Variants in DDR2 observed in about 807,000 individuals in gnomAD.
DDR2 encodes the protein discoidin domain-containing receptor 2.
Under a neutral mutation model 94.9 loss-of-function variants are expected in DDR2, and 27 were observed. The observed-to-expected ratio is 0.28, with a 90% CI of 0.21 to 0.39. The LOEUF (loss-of-function observed/expected upper bound fraction) is 0.39, where lower values mean the gene tolerates loss of function less well. DDR2 is among the 10% of genes least tolerant of loss of function. The pLI, the probability that DDR2 is intolerant of heterozygous loss-of-function variation, is 1.00. For synonymous variants in DDR2, 382 were observed against 377.2 expected, an observed-to-expected ratio of 1.01 and a Z score of -0.15; for missense variants, 783 against 1,076.0, an observed-to-expected ratio of 0.73 and a Z score of 3.81.
chr1:162,666,252 G>GT (rs935444622), intron 2 of DDR2, among the ~76,000 whole-genome samples: 1 of 152,122 alleles, frequency 6.6e-6, no homozygotes, highest in Non-Finnish European at 1.5e-5. Context: ...TTTTCCTTCT[G>GT]TTTTTTATTA....
At position 162,645,708 on chromosome 1, in the gene DDR2, T is replaced by G. The variant is rs185210729; in HGVS notation, c.-191-9503T>G. Among the ~76,000 whole-genome samples, 10 of 152,296 alleles carry G rather than the reference T, an allele frequency of 6.6e-5. No individual in the cohort carries two copies. In the East Asian group the frequency reaches 1.9e-3, roughly 29 times the overall value. On this transcript the variant is annotated intron_variant, in intron 1 of 17. Transcript: ENST00000367921. Reference sequence around the variant, plus strand: ...ATTAATAGCTTTGAGGGTTCATAAGTTCAGGAAAATAAGATCTTAACCCAA... The same window carrying G: ...ATTAATAGCTTTGAGGGTTCATAAGGTCAGGAAAATAAGATCTTAACCCAA...
rs574989683 is a variant in DDR2 at position 162,728,178 on chromosome 1, CTCTT to C, written c.82+9035_82+9038del. 6.0e-5 allele frequency among the ~76,000 whole-genome samples: 8 copies of C among 133,590 alleles called. No homozygotes were observed. The East Asian group carries it at 1.3e-3, about 22-fold the overall frequency. 87.6% of individuals were successfully genotyped at this position (133,590 alleles called of 152,430 possible). A position where few individuals can be genotyped will look rare whatever the true frequency, so the allele number is the denominator to read the frequency against. ...TCTATATAAATATATAGATAGATAT[CTCTT>C]TATATATATATAGATAGATATATCT... On this transcript the variant is annotated intron_variant, in intron 3 of 17. Coordinates refer to ENST00000367921, the MANE Select transcript of DDR2 (RefSeq NM_006182.4).
At chr1:162,743,283 C>T (rs949005820) in intron 3 of DDR2, among the ~76,000 whole-genome samples, 4 of 152,028 alleles carry the variant, frequency 2.6e-5, no homozygotes, top group East Asian at 1.9e-4. Context: ...TGGATATCCT[C>T]CTTCTTCAAG....
At chr1:162,690,530 A>G (rs1342648280) in intron 2 of DDR2, among the ~76,000 whole-genome samples, 1 of 152,204 alleles carries the variant, frequency 6.6e-6, no homozygotes, top group African/African-American at 2.4e-5. Flanking sequence ...AACGGGTGAT[A>G]AGATAGATTT....
At chr1:162,687,131 C>T (rs1476086465) in intron 2 of DDR2, among the ~76,000 whole-genome samples, 1 of 152,226 alleles carries the variant, frequency 6.6e-6, no homozygotes, top group Non-Finnish European at 1.5e-5. Context: ...CTGCCTGCCA[C>T]TGTCTTCATG....
At chr1:162,729,444 A>G (rs1339332813) in intron 3 of DDR2, among the ~76,000 whole-genome samples, 1 of 150,472 alleles carries the variant, frequency 6.6e-6, no homozygotes, top group Non-Finnish European at 1.5e-5. Context: ...ATACACAGTA[A>G]AGTAGAAGTT....
intron 2 of DDR2, among the ~76,000 whole-genome samples, chr1:162,686,430 A>G (rs759058484): frequency 6.6e-6 from 1 of 151,728 alleles, no homozygotes; most frequent in African/African-American, 2.4e-5. Flanking sequence ...ATGTGTCCTC[A>G]TTGTTCAACT....
rs558620813 is a variant in DDR2 at position 162,774,069 on chromosome 1, C to A, written c.1856+473C>A. Among the ~76,000 whole-genome samples, 884 of 140,258 alleles carry A rather than the reference C, an allele frequency of 6.3e-3. 11 individuals carry two copies. Among genetic ancestry groups the A allele is most frequent in the African/African-American group, 0.022 (838 of 38,408 alleles). The allele number at this position is 140,258 out of a possible 152,430, so 92.0% of individuals were successfully genotyped here. A position where few individuals can be genotyped will look rare whatever the true frequency, so the allele number is the denominator to read the frequency against. On this transcript the variant is annotated intron_variant, in intron 14 of 17. Coordinates refer to ENST00000367921, the MANE Select transcript of DDR2 (RefSeq NM_006182.4). The stretch of plus-strand genomic sequence containing the variant: ...TGCTCCTTTTCTTCTATTTGAGCAA[C>A]CCTCAAAATGAGAAGCTACCTCTAT...
At position 162,786,436 on chromosome 1, in the gene DDR2, A is replaced by G. The variant is rs1184254594; in HGVS notation, c.*6190A>G. On this transcript the variant is annotated 3_prime_UTR_variant, in exon 18 of 18. Coordinates refer to ENST00000367921, the MANE Select transcript of DDR2 (RefSeq NM_006182.4). ...GCTTAAAACTATCATAGACGTTCCA[A>G]ATAGAATATGTAAAATTTCTCTGTA... is the stretch of plus-strand genomic sequence containing the variant. The G allele has an allele frequency of 6.6e-6, 1 of 152,234 alleles. No homozygotes were observed. The highest frequency in any genetic ancestry group is 1.5e-5 in the Non-Finnish European group (1 of 68,044). 9.4% of individuals were successfully genotyped at this position (152,234 alleles called of 1,614,324 possible).
intron 8 of DDR2, 56 bp from the exon 9 acceptor site, chr1:162,761,155 T>C (rs987599103): frequency 1.2e-6 from 2 of 1,611,916 alleles, no homozygotes; most frequent in African/African-American, 1.3e-5. Flanking sequence ...TGGCACTGTG[T>C]CTCCATGCAC....
At chr1:162,644,572 G>A (rs1027295303) in intron 1 of DDR2, among the ~76,000 whole-genome samples, 43 of 151,102 alleles carry the variant, frequency 2.8e-4, no homozygotes, top group African/African-American at 4.9e-5. Context: ...GGTGACAAAC[G>A]ATTGAGATAT....
intron 2 of DDR2, among the ~76,000 whole-genome samples, chr1:162,698,913 A>T (rs1022990950): frequency 6.6e-6 from 1 of 152,160 alleles, no homozygotes; most frequent in African/African-American, 2.4e-5. Flanking sequence ...GAAGAAAAGG[A>T]AGGCAGATCA....
chr1:162,767,644 A>G (rs538578122), intron 11 of DDR2, among the ~76,000 whole-genome samples: 1 of 152,316 alleles, frequency 6.6e-6, no homozygotes, highest in Non-Finnish European at 1.5e-5. Flanking sequence ...ATTCTGATTC[A>G]CTGGATTTTG....
At chr1:162,729,339 A>G (rs1326149328) in intron 3 of DDR2, among the ~76,000 whole-genome samples, 1 of 116,730 alleles carries the variant, frequency 8.6e-6, no homozygotes, top group Non-Finnish European at 1.7e-5. Context: ...GAATAGTGTG[A>G]TTGTTGACTT....
At chr1:162,715,508 G>A (rs1661124864) in intron 2 of DDR2, among the ~76,000 whole-genome samples, 1 of 152,162 alleles carries the variant, frequency 6.6e-6, no homozygotes. Flanking sequence ...TGTGACTGAG[G>A]TGGAGAGGAT....
At chr1:162,684,733 T>C (rs1659584487) in intron 2 of DDR2, among the ~76,000 whole-genome samples, 2 of 151,948 alleles carry the variant, frequency 1.3e-5, no homozygotes, top group Non-Finnish European at 2.9e-5. Context: ...GAGGATTATA[T>C]GTAAATTCAT....
intron 1 of DDR2, among the ~76,000 whole-genome samples, chr1:162,633,859 T>G (rs1656680844): frequency 6.6e-6 from 1 of 152,214 alleles, no homozygotes; most frequent in Non-Finnish European, 1.5e-5. Context: ...TAATTCATGC[T>G]CAGAGCTCTT....
At chr1:162,767,106 G>A in intron 10 of DDR2, 123 bp from the exon 11 acceptor site, 1 of 1,378,182 alleles carries the variant, frequency 7.3e-7, no homozygotes, top group Non-Finnish European at 1.0e-6. Context: ...AAGTATTAAG[G>A]TGGCATCTTC....
chr1:162,652,044 G>T (rs565592083), intron 1 of DDR2, among the ~76,000 whole-genome samples: 1 of 152,344 alleles, frequency 6.6e-6, no homozygotes, highest in Non-Finnish European at 1.5e-5. Flanking sequence ...TGATGATGTG[G>T]TTGAAAACAT....
Sources: allele counts gnomAD v4.1 joint callset (sites outside exome capture counted in the v4.1 genomes callset), GRCh38; gene constraint gnomAD v4.1.1; transcripts MANE v1.5; gene names NCBI Gene and HGNC (gene_info 2026-07-23, HGNC 2026-07-21).